The following SEC22A variants were observed in gnomAD, a reference collection of about 807,000 sequenced individuals.
SEC22A encodes the protein SEC22 homolog A, vesicle trafficking protein.
A neutral mutation model predicts 35.3 loss-of-function variants in SEC22A; 22 were observed. The observed-to-expected ratio is 0.62, with a 90% CI of 0.45 to 0.89. The LOEUF (loss-of-function observed/expected upper bound fraction) is 0.89. Ranked by LOEUF, SEC22A falls within the 40% of genes least tolerant of loss-of-function variation. The probability of loss-of-function intolerance (pLI) is 0.00; values close to 1 mark genes in which losing one functional copy is unlikely to be tolerated. For missense variants in SEC22A, 354 were observed against 362.5 expected (o/e 0.98, Z 0.19); for synonymous variants, 119 against 129.5 (o/e 0.92, Z 0.55).
At chr3:123,225,349 T>C in intron 4 of SEC22A, 52 bp downstream of exon 4, 1 of 1,103,082 alleles carries the variant, frequency 9.1e-7, no homozygotes, top group African/African-American at 1.6e-5. Flanking sequence ...TGGGAAAAAC[T>C]GAGAAACTCT....
intron 5 of SEC22A, among the ~76,000 whole-genome samples, chr3:123,256,202 C>T (rs1235791617): frequency 6.6e-6 from 1 of 152,140 alleles, no homozygotes; most frequent in Non-Finnish European, 1.5e-5. Context: ...ACTTGGTTGT[C>T]ATAGGCCTTT....
chr3:123,235,307 A>G (rs1423399478), intron 4 of SEC22A, among the ~76,000 whole-genome samples: 1 of 152,248 alleles, frequency 6.6e-6, no homozygotes, highest in East Asian at 1.9e-4. Flanking sequence ...AGTATCTAGA[A>G]TATGTAAATA....
At chr3:123,247,885 C>T (rs913112067) in intron 5 of SEC22A, among the ~76,000 whole-genome samples, 1 of 152,082 alleles carries the variant, frequency 6.6e-6, no homozygotes, top group Non-Finnish European at 1.5e-5. Flanking sequence ...TGGAATTTAT[C>T]CCAGGTATGC....
intron 1 of SEC22A, chr3:123,204,794 A>G (rs1459423236): frequency 1.3e-5 from 2 of 152,204 alleles, no homozygotes; most frequent in African/African-American, 4.8e-5. Context: ...GGCAGGTGTA[A>G]TATTTTCTCT....
chr3:123,246,616 G>C (rs560487707), intron 5 of SEC22A, among the ~76,000 whole-genome samples: 1 of 152,278 alleles, frequency 6.6e-6, no homozygotes, highest in Admixed American at 6.5e-5. Context: ...GTTCCTTTCA[G>C]AAGCTATAGC....
chr3:123,217,415 G>T (rs764866122), intron 2 of SEC22A, among the ~76,000 whole-genome samples: 1 of 151,192 alleles, frequency 6.6e-6, no homozygotes, highest in Non-Finnish European at 1.5e-5. Flanking sequence ...GGGTTTCACC[G>T]TGTTAGCCAG....
Position 123,223,585 on chromosome 3 carries a change from A to G in SEC22A, c.209A>G (p.Tyr70Cys), listed in dbSNP as rs368243755. The G allele has an allele frequency of 6.8e-5, 109 of 1,613,634 alleles. No homozygotes were observed. Among genetic ancestry groups the G allele is most frequent in the Non-Finnish European group, 8.7e-5 (103 of 1,179,756 alleles). ...INFISSLGVS[Y>C]MMLCTENYPN... ...TTTATTAGCTCTCTGGGAGTGAGCT[A>G]CATGATGTTGTGCACTGAAAATTAC... The change falls in exon 3 of 7, where the codon TAC becomes TGC. Residue 70 changes from tyrosine to cysteine, a missense_variant. Transcript: ENST00000492595.
chr3:123,210,461 C>T lies in SEC22A; in HGVS notation c.182+1062C>T, dbSNP rs183812052. ...TGAGCAAGAAAGGAGAGGATAAGTG[C>T]GTCTCCTTGGTAAAAAGTAAGAGTT... On this transcript the variant is annotated intron_variant, in intron 2 of 6. Transcript: ENST00000492595. Among the ~76,000 whole-genome samples the T allele has an allele frequency of 1.4e-4, 21 of 152,238 alleles. No homozygotes were observed. In the East Asian group the frequency reaches 3.1e-3, roughly 22 times the overall value.
intron 4 of SEC22A, among the ~76,000 whole-genome samples, chr3:123,239,650 C>G (rs1196169778): frequency 6.6e-6 from 1 of 151,954 alleles, no homozygotes; most frequent in Non-Finnish European, 1.5e-5. Context: ...ATGTTCATAT[C>G]CTTCGCCCAC....
intron 5 of SEC22A, 56 bp downstream of exon 5, chr3:123,246,070 C>T (rs1937563698): frequency 1.2e-6 from 1 of 862,258 alleles, no homozygotes; most frequent in African/African-American, 1.7e-5. Flanking sequence ...CTACTGGTTA[C>T]ATAATTGATT....
intron 2 of SEC22A, among the ~76,000 whole-genome samples, chr3:123,218,003 G>A (rs1338219710): frequency 2.0e-5 from 3 of 152,184 alleles, no homozygotes; most frequent in African/African-American, 7.2e-5. Context: ...TGTTTAATTG[G>A]TGATATGTAA....
In SEC22A at chr3:123,225,319, T is replaced by C. The variant is rs189436078; in HGVS notation, c.541+22T>C. Reference sequence around the variant, plus strand: ...TCTGGTGAGTTCTGGATCTCAGTTATTTTATTTTAAAAAAATCCTTGGGAA... The same window carrying C: ...TCTGGTGAGTTCTGGATCTCAGTTACTTTATTTTAAAAAAATCCTTGGGAA... On this transcript the variant is annotated intron_variant, in intron 4 of 6. Coordinates refer to ENST00000492595, the MANE Select transcript of SEC22A (RefSeq NM_012430.5). 9.7e-6 allele frequency: 14 copies of C among 1,444,734 alleles called. No individual in the cohort carries two copies. The East Asian group carries it at 2.8e-4, about 28-fold the overall frequency. 89.5% of individuals were successfully genotyped at this position (1,444,734 alleles called of 1,614,324 possible).
At chr3:123,224,740 A>G (rs1281586646) in intron 3 of SEC22A, among the ~76,000 whole-genome samples, 3 of 152,124 alleles carry the variant, frequency 2.0e-5, no homozygotes, top group South Asian at 2.1e-4. Flanking sequence ...ACAGTGAGCT[A>G]TGATTGTACC....
intron 4 of SEC22A, among the ~76,000 whole-genome samples, chr3:123,228,569 T>TC (rs1251350293): frequency 1.9e-5 from 2 of 103,710 alleles, no homozygotes; most frequent in Non-Finnish European, 3.8e-5. Context: ...GAGCGAAAAC[T>TC]CCATCTCAAA....
At position 123,209,303 on chromosome 3, in the gene SEC22A, G is replaced by T; in HGVS notation, c.86G>T (p.Gly29Val). The T allele has an allele frequency of 6.2e-7, 1 of 1,614,006 alleles. No homozygotes were observed. The highest frequency in any genetic ancestry group is 8.5e-7 in the Non-Finnish European group (1 of 1,179,922). ...SASTDYEQST[G>V]MQECRKYFKM... ...TCTACTGATTATGAACAAAGCACAGGAATGCAGGAGTGCAGAAAGTATTTT... is the reference window on the plus strand; with the variant it reads ...TCTACTGATTATGAACAAAGCACAGTAATGCAGGAGTGCAGAAAGTATTTT... The change falls in exon 2 of 7, where the codon GGA becomes GTA. Residue 29 changes from glycine to valine, a missense_variant. Physicochemically the swap from Gly to Val is moderately radical, Grantham distance 109. Coordinates refer to ENST00000492595, the MANE Select transcript of SEC22A (RefSeq NM_012430.5).
At chr3:123,224,677 G>T (rs1937189600) in intron 3 of SEC22A, among the ~76,000 whole-genome samples, 1 of 152,132 alleles carries the variant, frequency 6.6e-6, no homozygotes, top group South Asian at 2.1e-4. Flanking sequence ...AGTAGCCCCA[G>T]CTGCTTGGGA....
intron 3 of SEC22A, 89 bp downstream of exon 3, chr3:123,223,811 C>A (rs1341006631): frequency 1.1e-6 from 1 of 883,024 alleles, no homozygotes. Context: ...GGGGGGACTT[C>A]TGCTATCTTG....
chr3:123,265,362 T>C (rs921397509), intron 6 of SEC22A, among the ~76,000 whole-genome samples: 9 of 152,050 alleles, frequency 5.9e-5, no homozygotes, highest in African/African-American at 2.2e-4. Context: ...AGAAAGGAAG[T>C]GTGCAGGTAT....
chr3:123,264,057 A>G (rs1336022686), intron 6 of SEC22A, among the ~76,000 whole-genome samples: 2 of 151,868 alleles, frequency 1.3e-5, no homozygotes. Context: ...GTGTGCTGCC[A>G]CACCCAGCTA....
Sources: gnomAD v4.1 joint callset for allele counts (sites outside exome capture counted in the v4.1 genomes callset) on GRCh38, gnomAD v4.1.1 for gene constraint, MANE v1.5 for transcripts, NCBI Gene and HGNC (gene_info 2026-07-23, HGNC 2026-07-21) for gene names.